The following EHD1 variants were observed in gnomAD, a reference collection of about 807,000 sequenced individuals.
EHD1 encodes the protein EH domain-containing protein 1.
Under a neutral mutation model 39.0 loss-of-function variants are expected in EHD1, and 19 were observed. The ratio of observed to expected loss-of-function variants is 0.49; its 90% confidence interval spans 0.34 to 0.72. EHD1 has a LOEUF of 0.72. Ranked by LOEUF, EHD1 falls within the 30% of genes least tolerant of loss-of-function variation. EHD1 has a pLI of 0.01. For synonymous variants in EHD1, 323 were observed against 331.2 expected, an observed-to-expected ratio of 0.98 and a Z score of 0.27; for missense variants, 542 against 751.5, an observed-to-expected ratio of 0.72 and a Z score of 3.26.
chr11:64,859,062 G>C (rs1213948367), intron 3 of EHD1, among the ~76,000 whole-genome samples: 1 of 152,190 alleles, frequency 6.6e-6, no homozygotes, highest in Non-Finnish European at 1.5e-5. Context: ...ACTCCACTGG[G>C]ACAGCCCCTA....
intron 1 of EHD1, 51 bp downstream of exon 1, chr11:64,878,010 A>C (rs1943903675): frequency 6.8e-7 from 1 of 1,468,234 alleles, no homozygotes; most frequent in Non-Finnish European, 9.0e-7. Flanking sequence ...GCTCCGAGTG[A>C]GGGGTGTGCC....
intron 2 of EHD1, among the ~76,000 whole-genome samples, chr11:64,873,675 G>C (rs552094168): frequency 6.6e-6 from 1 of 151,692 alleles, no homozygotes; most frequent in Non-Finnish European, 1.5e-5. Context: ...GTTCTTACTC[G>C]GACACTTTTT....
intron 2 of EHD1, among the ~76,000 whole-genome samples, chr11:64,862,874 AAAAAC>A (rs1241960165): frequency 6.6e-6 from 1 of 152,208 alleles, no homozygotes; most frequent in Non-Finnish European, 1.5e-5. Flanking sequence ...ACCCTGTCTC[AAAAAC>A]AAAACAAAAG....
chr11:64,878,177 G>A lies in EHD1; in HGVS notation c.288C>T (p.Ser96=). The change falls in exon 1 of 5, where the codon TCC becomes TCT. Residue 96 remains serine (S), a synonymous_variant. Coordinates refer to ENST00000320631, the MANE Select transcript of EHD1 (RefSeq NM_006795.4). Reference sequence around the variant, plus strand: ...TGGGGCCGTGCATGACGGCGATGAAGGAGTCGGTGGTGGGCTCGGGCCCGA... The same window carrying A: ...TGGGGCCGTGCATGACGGCGATGAAAGAGTCGGTGGTGGGCTCGGGCCCGA... ...MRIGPEPTTD[S]FIAVMHGPTE... is the part of the protein sequence containing the mutation. 1 of 1,606,214 alleles carries A rather than the reference G, an allele frequency of 6.2e-7. No individual in the cohort carries two copies. Among genetic ancestry groups the A allele is most frequent in the Non-Finnish European group, 8.5e-7 (1 of 1,173,648 alleles).
In EHD1 at chr11:64,868,406, T is replaced by C. The variant is rs575166026; in HGVS notation, c.502+6015A>G. Reference sequence around the variant, plus strand: ...ACGAACCACGTACTTGACTCAAAACTGCCCCGGGTGGAACAACCCAAGCGC... The same window carrying C: ...ACGAACCACGTACTTGACTCAAAACCGCCCCGGGTGGAACAACCCAAGCGC... On this transcript the variant is annotated intron_variant, in intron 2 of 4. Coordinates refer to ENST00000320631, the MANE Select transcript of EHD1 (RefSeq NM_006795.4). This position sits in a 1 kb window ranked among gnomAD's most constrained non-coding sequence, Gnocchi z 4.2. 3.3e-5 allele frequency among the ~76,000 whole-genome samples: 5 copies of C among 151,922 alleles called. No individual in the cohort carries two copies. The South Asian group carries it at 1.0e-3, about 32-fold the overall frequency.
intron 3 of EHD1, among the ~76,000 whole-genome samples, chr11:64,859,136 T>C (rs1943685919): frequency 6.6e-6 from 1 of 152,200 alleles, no homozygotes; most frequent in African/African-American, 2.4e-5. Flanking sequence ...TGTTTATTTT[T>C]TGTTTGCGTG....
Position 64,878,548 on chromosome 11 carries a change from C to T in EHD1, c.-84G>A, listed in dbSNP as rs536508120. 2.7e-6 allele frequency: 4 copies of T among 1,474,576 alleles called. No homozygotes were observed. The East Asian group carries it at 7.3e-5, about 27-fold the overall frequency. The allele number at this position is 1,474,576 out of a possible 1,614,324, so 91.3% of individuals were successfully genotyped here. On this transcript the variant is annotated 5_prime_UTR_variant, in exon 1 of 5. Transcript: ENST00000320631. ...GGTGCGGAGCCGAGGCGGGGCCGGC[C>T]GGGGCAGGGAATCGGGAGCGACCCA... is the stretch of plus-strand genomic sequence containing the variant.
intron 1 of EHD1, among the ~76,000 whole-genome samples, chr11:64,877,615 G>A (rs1943898472): frequency 6.6e-6 from 1 of 152,212 alleles, no homozygotes; most frequent in African/African-American, 2.4e-5. Context: ...CCGCACCAGA[G>A]AAGGGAATGG....
chr11:64,872,448 G>A (rs1272119690), intron 2 of EHD1, among the ~76,000 whole-genome samples: 1 of 152,136 alleles, frequency 6.6e-6, no homozygotes, highest in Non-Finnish European at 1.5e-5. Context: ...GCGATAGAGC[G>A]ACACTCTGTC....
intron 2 of EHD1, among the ~76,000 whole-genome samples, chr11:64,864,670 G>A (rs1006239792): frequency 2.6e-5 from 4 of 152,264 alleles, no homozygotes; most frequent in African/African-American, 9.6e-5. Flanking sequence ...AGGGGGCCCA[G>A]CTTCTCCCCT....
chr11:64,859,633 T>C (rs1943690852), intron 3 of EHD1: 1 of 384,520 alleles, frequency 2.6e-6, no homozygotes, highest in Non-Finnish European at 4.7e-6. Context: ...TAACTTCCTG[T>C]GTGCTGTTTC....
chr11:64,874,966 G>A (rs755814427), intron 1 of EHD1, among the ~76,000 whole-genome samples: 3 of 152,222 alleles, frequency 2.0e-5, no homozygotes, highest in South Asian at 4.1e-4. Context: ...GGCCAGCCCT[G>A]CCCTTTCAAC....
chr11:64,866,506 A>T (rs993770268), intron 2 of EHD1, among the ~76,000 whole-genome samples: 1 of 151,538 alleles, frequency 6.6e-6, no homozygotes, highest in African/African-American at 2.4e-5. Flanking sequence ...ACATAGCGAG[A>T]CCCCCCTCTA....
At chr11:64,878,656 T>G, upstream of EHD1, 1 of 1,369,510 alleles carries the variant, frequency 7.3e-7, no homozygotes, top group Middle Eastern at 2.8e-4. Flanking sequence ...CTTTATAGGG[T>G]CGGTCCCTCA....
chr11:64,854,920 G>T, intron 4 of EHD1, 63 bp from the exon 5 acceptor site: 1 of 1,561,996 alleles, frequency 6.4e-7, no homozygotes, highest in Admixed American at 1.7e-5. Flanking sequence ...TCCAGGCCAA[G>T]TGGTTCCAGT....
At chr11:64,866,778 TACCTGTATAACAA>T (rs1943771467) in intron 2 of EHD1, among the ~76,000 whole-genome samples, 1 of 152,178 alleles carries the variant, frequency 6.6e-6, no homozygotes, top group Non-Finnish European at 1.5e-5. Context: ...ACACTCCATT[TACCTGTATAACAA>T]ACCTGTACAT....
intron 1 of EHD1, among the ~76,000 whole-genome samples, chr11:64,875,083 G>C (rs1378766522): frequency 6.6e-6 from 1 of 152,230 alleles, no homozygotes; most frequent in Non-Finnish European, 1.5e-5. Flanking sequence ...TTCTCTGAAA[G>C]TCCGAGCAGG....
chr11:64,864,622 G>T (rs1433425160), intron 2 of EHD1, among the ~76,000 whole-genome samples: 1 of 152,246 alleles, frequency 6.6e-6, no homozygotes, highest in Non-Finnish European at 1.5e-5. Context: ...TACTGAAAAG[G>T]CGATGACTCA....
At position 64,854,174 on chromosome 11, in the gene EHD1, C is replaced by T. The variant is rs556266157; in HGVS notation, c.*159G>A. Reference sequence around the variant, plus strand: ...TCACCCCTGCCTCCCCCGCCAGGCCCAGGAACAGCCTTAAAAGAAAGATGG... The same window carrying T: ...TCACCCCTGCCTCCCCCGCCAGGCCTAGGAACAGCCTTAAAAGAAAGATGG... On this transcript the variant is annotated 3_prime_UTR_variant, in exon 5 of 5. Coordinates refer to ENST00000320631, the MANE Select transcript of EHD1 (RefSeq NM_006795.4). The T allele has an allele frequency of 5.9e-5, 76 of 1,285,586 alleles. No individual in the cohort carries two copies. The highest frequency in any genetic ancestry group is 7.8e-5 in the Non-Finnish European group (75 of 963,166). 79.6% of individuals were successfully genotyped at this position (1,285,586 alleles called of 1,614,324 possible).
Sources: allele counts gnomAD v4.1 joint callset (sites outside exome capture counted in the v4.1 genomes callset), GRCh38; gene constraint gnomAD v4.1.1; non-coding constraint Gnocchi (gnomAD v3.1); transcripts MANE v1.5; gene names NCBI Gene and HGNC (gene_info 2026-07-23, HGNC 2026-07-21).